ONECUT3: variants seen among roughly 807,000 people sequenced by gnomAD.
The protein encoded by ONECUT3 is one cut homeobox 3.
ONECUT3 carries 11 observed loss-of-function variants against 16.8 expected under a neutral mutation model. The observed-to-expected ratio is 0.66, with a 90% CI of 0.41 to 1.09. The LOEUF (loss-of-function observed/expected upper bound fraction) is 1.09. Ranked by LOEUF, ONECUT3 falls within the 50% of genes least tolerant of loss-of-function variation. The pLI is 0.00. For missense variants in ONECUT3, 637 were observed against 629.9 expected, an observed-to-expected ratio of 1.01 and a Z score of -0.12; for synonymous variants, 344 against 310.7, an observed-to-expected ratio of 1.11 and a Z score of -1.13.
chr19:1,762,120 G>A lies in ONECUT3; in HGVS notation c.1192+7266G>A, dbSNP rs1240534010. Among the ~76,000 whole-genome samples, 1 of 152,210 alleles carries A rather than the reference G, an allele frequency of 6.6e-6. No individual in the cohort carries two copies. The highest frequency in any genetic ancestry group is 1.9e-4 in the East Asian group (1 of 5,192). ...CTTGAGCCAGCAACTCCCCTAAGTG[G>A]GGTGCGGGGACATCTGGAAGACGCC... On this transcript the variant is annotated intron_variant, in intron 1 of 1. Coordinates refer to ENST00000382349, the MANE Select transcript of ONECUT3 (RefSeq NM_001080488.2). This position sits in a 1 kb window ranked among gnomAD's most constrained non-coding sequence, Gnocchi z 4.4.
At chr19:1,774,012 G>C (rs114471509) in intron 1 of ONECUT3, among the ~76,000 whole-genome samples, 1 of 152,164 alleles carries the variant, frequency 6.6e-6, no homozygotes, top group Non-Finnish European at 1.5e-5. Context: ...TGATCTGTGC[G>C]GGCTGACCAA....
At chr19:1,768,286 C>T (rs544162852) in intron 1 of ONECUT3, among the ~76,000 whole-genome samples, 4 of 110,898 alleles carry the variant, frequency 3.6e-5, no homozygotes, top group South Asian at 3.3e-4. Flanking sequence ...CTGAGGGGGG[C>T]GGGAGGGGAC....
chr19:1,767,419 G>A (rs2068002410), intron 1 of ONECUT3, among the ~76,000 whole-genome samples: 1 of 152,188 alleles, frequency 6.6e-6, no homozygotes. Flanking sequence ...CTTGGGCCCC[G>A]GGGTGGTTGG....
chr19:1,763,874 C>T (rs1237946234), intron 1 of ONECUT3, among the ~76,000 whole-genome samples: 4 of 152,114 alleles, frequency 2.6e-5, no homozygotes, highest in Non-Finnish European at 5.9e-5. Context: ...TCAGGTTTTC[C>T]TGAACCACTT....
rs1222428349 is a variant in ONECUT3 at position 1,758,182 on chromosome 19, C to T, written c.1192+3328C>T. On this transcript the variant is annotated intron_variant, in intron 1 of 1. Transcript: ENST00000382349. This position sits in a 1 kb window ranked among gnomAD's most constrained non-coding sequence, Gnocchi z 5.9. Reference sequence around the variant, plus strand: ...GGAGAGAGAGGGAGGGGTCGCGAGACAAAACCAGAGAGTGGGGAGGGAGAG... The same window carrying T: ...GGAGAGAGAGGGAGGGGTCGCGAGATAAAACCAGAGAGTGGGGAGGGAGAG... Among the ~76,000 whole-genome samples, 1 of 150,346 alleles carries T rather than the reference C, an allele frequency of 6.7e-6. No homozygotes were observed. Among genetic ancestry groups the T allele is most frequent in the African/African-American group, 2.5e-5 (1 of 40,730 alleles).
In ONECUT3 at chr19:1,753,676, T is replaced by C; in HGVS notation, c.14T>C (p.Leu5Pro). Residue 5 changes from leucine (L) to proline (P), a missense_variant, in exon 1 of 2, where the codon CTG becomes CCG. Leu to Pro is a moderately conservative substitution (Grantham distance 98). Coordinates refer to ENST00000382349, the MANE Select transcript of ONECUT3 (RefSeq NM_001080488.2). The stretch of plus-strand genomic sequence containing the variant: ...GGGCAGCCGAGCATGGAGCTGAGCC[T>C]GGAGAGCCTGGGGGGCCTGCACAGC... MELS[L>P]ESLGGLHSVA... is the part of the protein sequence containing the mutation. The C allele has an allele frequency of 2.9e-6, 3 of 1,048,060 alleles. No individual in the cohort carries two copies. The highest frequency in any genetic ancestry group is 3.4e-6 in the Non-Finnish European group (3 of 872,002). The allele number at this position is 1,048,060 out of a possible 1,614,324, so 64.9% of individuals were successfully genotyped here.
Position 1,779,411 on chromosome 19 carries a change from G to T in ONECUT3, c.*3966G>T. On this transcript the variant is annotated 3_prime_UTR_variant, in exon 2 of 2. Transcript: ENST00000382349. ...AAAGAAAGGAAGAGAGAGAGAGAGC[G>T]AGCGCAAGAGAGAGAGAGAGGGAGA... 6.6e-6 allele frequency: 1 copy of T among 151,862 alleles called. No homozygotes were observed. Among genetic ancestry groups the T allele is most frequent in the Admixed American group, 6.6e-5 (1 of 15,224 alleles). The allele number at this position is 151,862 out of a possible 1,614,324, so 9.4% of individuals were successfully genotyped here. A position where few individuals can be genotyped will look rare whatever the true frequency, so the allele number is the denominator to read the frequency against.
rs548201406 is a variant in ONECUT3, at chr19:1,763,003, T to C, written c.1192+8149T>C. Among the ~76,000 whole-genome samples, 49 of 152,244 alleles carry C rather than the reference T, an allele frequency of 3.2e-4. 1 individual carries two copies. The highest frequency in any genetic ancestry group is 1.2e-3 in the South Asian group (6 of 4,816). ...GGGAGGCCAAGGCAAGAGGATCTCTTGAGGCCAGGAGTTCCAGACCAGCCT... is the reference window on the plus strand; with the variant it reads ...GGGAGGCCAAGGCAAGAGGATCTCTCGAGGCCAGGAGTTCCAGACCAGCCT... On this transcript the variant is annotated intron_variant, in intron 1 of 1. Coordinates refer to ENST00000382349, the MANE Select transcript of ONECUT3 (RefSeq NM_001080488.2).
chr19:1,760,657 G>T (rs2067941770), intron 1 of ONECUT3, among the ~76,000 whole-genome samples: 1 of 151,696 alleles, frequency 6.6e-6, no homozygotes, highest in Non-Finnish European at 1.5e-5. Flanking sequence ...AGGATGGGCG[G>T]TGGGGGGGGG....
chr19:1,756,208 CT>C (rs1449885886), intron 1 of ONECUT3, among the ~76,000 whole-genome samples: 4 of 152,168 alleles, frequency 2.6e-5, no homozygotes, highest in Non-Finnish European at 4.4e-5. Context: ...AGACAACCCC[CT>C]GGGAGCCTGG....
At chr19:1,767,229 G>A (rs1459873916) in intron 1 of ONECUT3, among the ~76,000 whole-genome samples, 1 of 152,096 alleles carries the variant, frequency 6.6e-6, no homozygotes, top group African/African-American at 2.4e-5. Context: ...TCCTCTCAGG[G>A]ACCCCCAGAT....
chr19:1,760,122 C>T (rs138917636), intron 1 of ONECUT3, among the ~76,000 whole-genome samples: 4 of 152,362 alleles, frequency 2.6e-5, no homozygotes, highest in Non-Finnish European at 4.4e-5. Flanking sequence ...ATTTTGAACC[C>T]GATGCGGTTC....
In ONECUT3 at chr19:1,778,947, G is replaced by C. The variant is rs943494358; in HGVS notation, c.*3502G>C. 5.5e-5 allele frequency: 8 copies of C among 144,954 alleles called. No homozygotes were observed. The East Asian group carries it at 1.6e-3, about 29-fold the overall frequency. 9.0% of individuals were successfully genotyped at this position (144,954 alleles called of 1,614,324 possible). On this transcript the variant is annotated 3_prime_UTR_variant, in exon 2 of 2. Transcript: ENST00000382349. ...GTTTCCGGACCCCACCCCAAACTTG[G>C]CCAGACCCCCACAGAAGGCTCTATC...
rs1196758258 is a variant in ONECUT3, at chr19:1,775,535, G to A, written c.*90G>A. On this transcript the variant is annotated 3_prime_UTR_variant, in exon 2 of 2. Transcript: ENST00000382349. Reference sequence around the variant, plus strand: ...CCACATCCTGCCGGCCCGGAGACCCGCCCCCAGGGGGCACCTGGAGGGGGT... The same window carrying A: ...CCACATCCTGCCGGCCCGGAGACCCACCCCCAGGGGGCACCTGGAGGGGGT... 5.3e-6 allele frequency: 7 copies of A among 1,314,646 alleles called. No individual in the cohort carries two copies. The South Asian group carries it at 1.0e-4, about 19-fold the overall frequency. 81.4% of individuals were successfully genotyped at this position (1,314,646 alleles called of 1,614,324 possible). A position where few individuals can be genotyped will look rare whatever the true frequency, so the allele number is the denominator to read the frequency against.
At chr19:1,775,128 C>CCGCT in intron 1 of ONECUT3, 25 bp from the exon 2 acceptor site, 1 of 941,548 alleles carries the variant, frequency 1.1e-6, no homozygotes, top group Non-Finnish European at 1.5e-6. Flanking sequence ...TCCCGCTCGC[C>CCGCT]CGCCCGCCCG....
chr19:1,773,395 G>T (rs1366183468), intron 1 of ONECUT3, among the ~76,000 whole-genome samples: 1 of 152,192 alleles, frequency 6.6e-6, no homozygotes, highest in Non-Finnish European at 1.5e-5. Flanking sequence ...CACATTCCAG[G>T]TCAGAGGGAG....
At chr19:1,773,416 G>C (rs73517019) in intron 1 of ONECUT3, among the ~76,000 whole-genome samples, 1 of 152,154 alleles carries the variant, frequency 6.6e-6, no homozygotes. Context: ...TGAAGTGTGC[G>C]TCAGCTCACA....
Position 1,753,944 on chromosome 19 carries a change from G to C in ONECUT3, c.282G>C (p.Met94Ile). ...LAGPLHPAMG[M>I]ACEAPGLGGT... ...GCCCGCTGCACCCGGCAATGGGCAT[G>C]GCCTGCGAGGCGCCGGGCCTGGGCG... The change falls in exon 1 of 2, where the codon ATG (methionine) becomes ATC (isoleucine). Residue 94 changes from methionine to isoleucine, a missense_variant. This residue lies in a region of ONECUT3 where 419 missense variants were observed against 377.9 expected (regional missense o/e 1.11). Transcript: ENST00000382349. The C allele has an allele frequency of 1.0e-6, 1 of 987,946 alleles. No homozygotes were observed. Among genetic ancestry groups the C allele is most frequent in the East Asian group, 1.1e-4 (1 of 9,112 alleles). 61.2% of individuals were successfully genotyped at this position (987,946 alleles called of 1,614,324 possible). A position where few individuals can be genotyped will look rare whatever the true frequency, so the allele number is the denominator to read the frequency against.
intron 1 of ONECUT3, among the ~76,000 whole-genome samples, chr19:1,772,625 C>G (rs376016761): frequency 2.0e-5 from 3 of 149,708 alleles, no homozygotes; most frequent in Admixed American, 1.3e-4. Flanking sequence ...ACTTTTTATT[C>G]TCTTTCATTT....
Sources: allele counts gnomAD v4.1 joint callset (sites outside exome capture counted in the v4.1 genomes callset), GRCh38; gene constraint gnomAD v4.1.1; regional missense constraint gnomAD v4.1.1; non-coding constraint Gnocchi (gnomAD v3.1); transcripts MANE v1.5; gene names NCBI Gene and HGNC (gene_info 2026-07-23, HGNC 2026-07-21).